Variants in GRM7 observed in about 807,000 individuals in gnomAD.
GRM7 encodes metabotropic glutamate receptor 7.
GRM7 carries 35 observed loss-of-function variants against 84.5 expected under a neutral mutation model. The observed-to-expected ratio is 0.41, with a 90% CI of 0.32 to 0.55. The LOEUF is 0.55. GRM7 is among the 20% of genes least tolerant of loss of function. The pLI is 0.19. For missense variants in GRM7, 1,003 were observed against 1,194.6 expected (o/e 0.84, Z 2.36); for synonymous variants, 487 against 455.1 (o/e 1.07, Z -0.89).
intron 8 of GRM7, among the ~76,000 whole-genome samples, chr3:7,619,406 G>C (rs1038298133): frequency 6.6e-6 from 1 of 151,908 alleles, no homozygotes; most frequent in African/African-American, 2.4e-5. Flanking sequence ...GAAATGGGCG[G>C]ATTTCAGAAA....
chr3:7,381,278 A>T (rs893483280), intron 4 of GRM7, among the ~76,000 whole-genome samples: 5 of 152,186 alleles, frequency 3.3e-5, no homozygotes, highest in African/African-American at 1.2e-4. Flanking sequence ...ACAAAAATCC[A>T]GGCTTTTCTA....
Position 7,410,655 on chromosome 3 carries a change from AC to A in GRM7, c.1034-4366del, listed in dbSNP as rs147226611. 1.2e-3 allele frequency among the ~76,000 whole-genome samples: 158 copies of A among 135,250 alleles called. 1 individual carries two copies. Among genetic ancestry groups the A allele is most frequent in the African/African-American group, 4.7e-3 (148 of 31,214 alleles). 88.7% of individuals were successfully genotyped at this position (135,250 alleles called of 152,430 possible). On this transcript the variant is annotated intron_variant, in intron 4 of 9. Transcript: ENST00000357716. ...CACACATACACACAAAACCACCACC[AC>A]CACACACACACACACACACACACGC...
intron 2 of GRM7, among the ~76,000 whole-genome samples, chr3:7,175,388 T>C (rs1224972839): frequency 6.6e-6 from 1 of 152,216 alleles, no homozygotes; most frequent in African/African-American, 2.4e-5. Flanking sequence ...GCTGACTCCA[T>C]TGTCATGTCT....
intron 1 of GRM7, among the ~76,000 whole-genome samples, chr3:7,102,197 C>T (rs1699134139): frequency 6.6e-6 from 1 of 151,740 alleles, no homozygotes; most frequent in Non-Finnish European, 1.5e-5. Flanking sequence ...TTCTTGCATG[C>T]AGTTCTGCTG....
rs192983405 is a variant in GRM7, at chr3:7,221,008, G to C, written c.736+74340G>C. Among the ~76,000 whole-genome samples, 273 of 152,058 alleles carry C rather than the reference G, an allele frequency of 1.8e-3. 1 individual carries two copies. The highest frequency in any genetic ancestry group is 6.3e-3 in the African/African-American group (262 of 41,460). ...ACTCAGGAGGTTGAGGTGGGAGAAG[G>C]ATGGCTGGAGCCCAGGACACGGAGG... is the stretch of plus-strand genomic sequence containing the variant. On this transcript the variant is annotated intron_variant, in intron 2 of 9. Coordinates refer to ENST00000357716, the MANE Select transcript of GRM7 (RefSeq NM_000844.4).
At chr3:6,992,968 CATACTGTTA>C (rs1371391001) in intron 1 of GRM7, among the ~76,000 whole-genome samples, 1 of 152,166 alleles carries the variant, frequency 6.6e-6, no homozygotes, top group Non-Finnish European at 1.5e-5. Context: ...TTTCCGTTTT[CATACTGTTA>C]ATAAAGACAT....
intron 9 of GRM7, among the ~76,000 whole-genome samples, chr3:7,723,185 C>A (rs1353538394): frequency 6.6e-6 from 1 of 152,180 alleles, no homozygotes; most frequent in Non-Finnish European, 1.5e-5. Context: ...AATTCTCCAA[C>A]ATAATCATAA....
At chr3:6,997,074 C>T (rs1013927038) in intron 1 of GRM7, among the ~76,000 whole-genome samples, 2 of 152,060 alleles carry the variant, frequency 1.3e-5, no homozygotes, top group South Asian at 2.1e-4. Context: ...TATTTTTTCT[C>T]TCTGTGAGAG....
intron 7 of GRM7, among the ~76,000 whole-genome samples, chr3:7,554,060 G>T (rs1310662254): frequency 6.6e-6 from 1 of 152,124 alleles, no homozygotes; most frequent in Non-Finnish European, 1.5e-5. Context: ...CACCCTCTGT[G>T]CAAAGCTATG....
At position 7,098,595 on chromosome 3, in the gene GRM7, A is replaced by G. The variant is rs572321656; in HGVS notation, c.520-47857A>G. On this transcript the variant is annotated intron_variant, in intron 1 of 9. Transcript: ENST00000357716. Reference sequence around the variant, plus strand: ...AGTAATGAAGACATTATTTAAAAAAATAAAACTTCAAGGTGAAAATATTTG... The same window carrying G: ...AGTAATGAAGACATTATTTAAAAAAGTAAAACTTCAAGGTGAAAATATTTG... 4.6e-5 allele frequency among the ~76,000 whole-genome samples: 7 copies of G among 152,158 alleles called. No individual in the cohort carries two copies. In the East Asian group the frequency reaches 1.3e-3, roughly 29 times the overall value.
chr3:6,893,108 A>G (rs1487205652), intron 1 of GRM7: 2 of 152,176 alleles, frequency 1.3e-5, no homozygotes, highest in African/African-American at 4.8e-5. Flanking sequence ...GACCTAATGA[A>G]GTAAGCATTA....
intron 2 of GRM7, among the ~76,000 whole-genome samples, chr3:7,194,936 T>C (rs945953013): frequency 6.6e-6 from 1 of 152,120 alleles, no homozygotes; most frequent in East Asian, 1.9e-4. Context: ...AACAGACTAA[T>C]GGAAGAGGAC....
At chr3:7,043,449 A>G (rs59561329) in intron 1 of GRM7, among the ~76,000 whole-genome samples, 23,152 of 152,166 alleles carry the variant, frequency 0.15, 2,865 homozygotes, top group African/African-American at 0.34. Flanking sequence ...GGCAACCATA[A>G]GACTCATCCC....
intron 7 of GRM7, among the ~76,000 whole-genome samples, chr3:7,474,095 T>A (rs1221546098): frequency 2.0e-5 from 3 of 152,154 alleles, no homozygotes; most frequent in Admixed American, 6.5e-5. Flanking sequence ...TGTCATCACT[T>A]ATGGCCATGA....
chr3:7,549,920 G>T (rs1693365048), intron 7 of GRM7, among the ~76,000 whole-genome samples: 1 of 152,196 alleles, frequency 6.6e-6, no homozygotes, highest in African/African-American at 2.4e-5. Flanking sequence ...GCTATGAAAT[G>T]AACACATCTG....
At chr3:7,679,966 C>T (rs926726570) in intron 8 of GRM7, 83 bp from the exon 9 acceptor site, 11 of 1,290,730 alleles carry the variant, frequency 8.5e-6, no homozygotes, top group South Asian at 2.6e-5. Flanking sequence ...TAGCCATAGT[C>T]GTTCTTGACA....
At chr3:7,248,955 A>G (rs1293433128) in intron 2 of GRM7, among the ~76,000 whole-genome samples, 3 of 152,142 alleles carry the variant, frequency 2.0e-5, no homozygotes, top group Non-Finnish European at 4.4e-5. Flanking sequence ...AAGAGTAAAG[A>G]TATTTAAAAT....
intron 4 of GRM7, among the ~76,000 whole-genome samples, chr3:7,400,954 T>C (rs1695423339): frequency 6.6e-6 from 1 of 152,130 alleles, no homozygotes; most frequent in Non-Finnish European, 1.5e-5. Context: ...CCCAGTATAA[T>C]CATTTAAATT....
intron 4 of GRM7, among the ~76,000 whole-genome samples, chr3:7,400,728 T>C (rs1695414180): frequency 6.6e-6 from 1 of 152,188 alleles, no homozygotes; most frequent in African/African-American, 2.4e-5. Context: ...ATAGGCTATC[T>C]TTGAGTTTTT....
Sources: allele counts gnomAD v4.1 joint callset (sites outside exome capture counted in the v4.1 genomes callset), GRCh38; gene constraint gnomAD v4.1.1; transcripts MANE v1.5; gene names NCBI Gene and HGNC (gene_info 2026-07-23, HGNC 2026-07-21).